Variants in STAG1 observed in about 807,000 individuals in gnomAD.
STAG1 encodes cohesin subunit SA-1.
STAG1 carries 26 observed loss-of-function variants against 170.9 expected under a neutral mutation model. That is an observed-to-expected ratio of 0.15 (90% CI 0.11 to 0.21). The LOEUF (loss-of-function observed/expected upper bound fraction) is 0.21, where lower values mean the gene tolerates loss of function less well. Ranked by LOEUF, STAG1 falls within the 10% of genes least tolerant of loss-of-function variation. STAG1 has a pLI of 1.00. For synonymous variants in STAG1, 514 were observed against 497.7 expected, an observed-to-expected ratio of 1.03 and a Z score of -0.44; for missense variants, 964 against 1,509.5, an observed-to-expected ratio of 0.64 and a Z score of 5.99.
intron 1 of STAG1, among the ~76,000 whole-genome samples, chr3:136,728,415 G>A (rs560924490): frequency 6.6e-6 from 1 of 152,148 alleles, no homozygotes; most frequent in African/African-American, 2.4e-5. Context: ...CATAAAGGAA[G>A]CCAGACTGCC....
chr3:136,657,325 A>G (rs1455448180), intron 1 of STAG1, among the ~76,000 whole-genome samples: 1 of 150,626 alleles, frequency 6.6e-6, no homozygotes, highest in African/African-American at 2.4e-5. Flanking sequence ...CAGCCGCCCG[A>G]GTAGCTAGGA....
chr3:136,486,583 A>G (rs1226137522), intron 9 of STAG1, among the ~76,000 whole-genome samples: 1 of 152,220 alleles, frequency 6.6e-6, no homozygotes, highest in Admixed American at 6.5e-5. Flanking sequence ...AGTCAATTCT[A>G]TAAAAACCAG....
intron 1 of STAG1, among the ~76,000 whole-genome samples, chr3:136,688,516 C>T (rs1050128130): frequency 7.9e-5 from 12 of 152,188 alleles, no homozygotes; most frequent in African/African-American, 2.9e-4. Flanking sequence ...CTCAGCCTCC[C>T]ATCTAGCTGC....
rs1248457313 is a variant in STAG1, at chr3:136,338,024, G to A, written c.*230C>T. ...CTGTATTGGGATAAGTCCAATAGTA[G>A]GACACAAATGATTTTCAGGTCAGTC... On this transcript the variant is annotated 3_prime_UTR_variant, in exon 34 of 34. Transcript: ENST00000383202. The A allele has an allele frequency of 1.9e-6, 1 of 521,936 alleles. No homozygotes were observed. The highest frequency in any genetic ancestry group is 3.1e-5 in the East Asian group (1 of 32,364). The allele number at this position is 521,936 out of a possible 1,614,324, so 32.3% of individuals were successfully genotyped here. A position where few individuals can be genotyped will look rare whatever the true frequency, so the allele number is the denominator to read the frequency against.
At chr3:136,347,934 C>A (rs974427029) in intron 29 of STAG1, among the ~76,000 whole-genome samples, 2 of 152,146 alleles carry the variant, frequency 1.3e-5, no homozygotes, top group African/African-American at 2.4e-5. Context: ...AATGAGAAGG[C>A]CAGGTCTGAA....
intron 4 of STAG1, among the ~76,000 whole-genome samples, chr3:136,579,785 C>A (rs1167968567): frequency 6.6e-6 from 1 of 151,966 alleles, no homozygotes; most frequent in Non-Finnish European, 1.5e-5. Context: ...ATGTACTCCC[C>A]GTTCATCATA....
intron 9 of STAG1, among the ~76,000 whole-genome samples, chr3:136,486,405 A>G (rs1189205153): frequency 6.6e-6 from 1 of 152,228 alleles, no homozygotes; most frequent in Non-Finnish European, 1.5e-5. Context: ...CCAAATAAAA[A>G]CAAGCTAACA....
At chr3:136,679,399 G>A (rs1457138317) in intron 1 of STAG1, among the ~76,000 whole-genome samples, 2 of 151,830 alleles carry the variant, frequency 1.3e-5, no homozygotes, top group African/African-American at 4.8e-5. Flanking sequence ...GTCCAACATG[G>A]TGAAACCACA....
chr3:136,450,697 G>A (rs1430724897), intron 14 of STAG1, among the ~76,000 whole-genome samples: 3 of 152,040 alleles, frequency 2.0e-5, no homozygotes, highest in African/African-American at 7.2e-5. Context: ...AGAGTCCTAG[G>A]TTTCTAGATG....
intron 1 of STAG1, among the ~76,000 whole-genome samples, chr3:136,645,829 C>T (rs1374746032): frequency 6.6e-6 from 1 of 152,194 alleles, no homozygotes; most frequent in African/African-American, 2.4e-5. Flanking sequence ...GCCATCTACT[C>T]ACTTTCTGAC....
chr3:136,709,851 A>G (rs1365279698), intron 1 of STAG1, among the ~76,000 whole-genome samples: 1 of 152,004 alleles, frequency 6.6e-6, no homozygotes, highest in Non-Finnish European at 1.5e-5. Context: ...CCTGGCCAAC[A>G]TGGTGAAACC....
In STAG1 at chr3:136,537,497, T is replaced by G. The variant is rs536119170; in HGVS notation, c.471+4622A>C. On this transcript the variant is annotated intron_variant, in intron 6 of 33. Coordinates refer to ENST00000383202, the MANE Select transcript of STAG1 (RefSeq NM_005862.3). Reference sequence around the variant, plus strand: ...TAATAGTGTCTTTTTTTTGTTTATTTTTTTTTTGTTTTTTTTTTTTTGAGG... The same window carrying G: ...TAATAGTGTCTTTTTTTTGTTTATTGTTTTTTTGTTTTTTTTTTTTTGAGG... Among the ~76,000 whole-genome samples, 171 of 142,648 alleles carry G rather than the reference T, an allele frequency of 1.2e-3. 1 individual carries two copies. Among genetic ancestry groups the G allele is most frequent in the African/African-American group, 4.2e-3 (166 of 39,492 alleles). 93.6% of individuals were successfully genotyped at this position (142,648 alleles called of 152,430 possible). A position where few individuals can be genotyped will look rare whatever the true frequency, so the allele number is the denominator to read the frequency against.
chr3:136,565,011 AAGGCAGGCAGGCAGGC>A (rs1553746573), intron 5 of STAG1, among the ~76,000 whole-genome samples: 2 of 45,450 alleles, frequency 4.4e-5, no homozygotes, highest in African/African-American at 2.5e-4. Flanking sequence ...GGAAGGAAGG[AAGGCAGGCAGGCAGGC>A]AGGCAGGCAG....
At chr3:136,377,804 T>C (rs1461318960) in intron 22 of STAG1, 52 bp from the exon 23 acceptor site, 1 of 1,470,610 alleles carries the variant, frequency 6.8e-7, no homozygotes, top group Non-Finnish European at 9.5e-7. Flanking sequence ...CACAGAAAAC[T>C]GATCTAGAAG....
At chr3:136,635,732 C>T (rs1940524684) in intron 1 of STAG1, among the ~76,000 whole-genome samples, 1 of 151,940 alleles carries the variant, frequency 6.6e-6, no homozygotes, top group South Asian at 2.1e-4. Flanking sequence ...CTGACAAAGG[C>T]AAAATAAAAC....
At chr3:136,497,271 T>C (rs1933157587) in intron 9 of STAG1, among the ~76,000 whole-genome samples, 1 of 151,938 alleles carries the variant, frequency 6.6e-6, no homozygotes, top group South Asian at 2.1e-4. Context: ...AGGTAGACAG[T>C]GATATTCATT....
At chr3:136,607,115 G>T (rs1938989013) in intron 3 of STAG1, among the ~76,000 whole-genome samples, 1 of 152,000 alleles carries the variant, frequency 6.6e-6, no homozygotes, top group African/African-American at 2.4e-5. Flanking sequence ...AATCAATGTT[G>T]ATATTGACCT....
At chr3:136,435,189 A>G (rs1424740129) in intron 15 of STAG1, among the ~76,000 whole-genome samples, 1 of 152,226 alleles carries the variant, frequency 6.6e-6, no homozygotes, top group South Asian at 2.1e-4. Flanking sequence ...TTTAATTTCT[A>G]TAACGCTAAT....
chr3:136,359,328 A>G lies in STAG1; in HGVS notation c.2788-32T>C, dbSNP rs1359645943. 6 of 1,488,628 alleles carry G rather than the reference A, an allele frequency of 4.0e-6. No homozygotes were observed. In the African/African-American group the frequency reaches 5.7e-5, roughly 14 times the overall value. The allele number at this position is 1,488,628 out of a possible 1,614,324, so 92.2% of individuals were successfully genotyped here. On this transcript the variant is annotated intron_variant, in intron 26 of 33. Transcript: ENST00000383202. ...GAAAGAAAAAAAGAAGAAAAAACCT[A>G]TAGCTCAGAATTTTAAACAGTTATT...
Sources: allele counts gnomAD v4.1 joint callset (sites outside exome capture counted in the v4.1 genomes callset), GRCh38; gene constraint gnomAD v4.1.1; transcripts MANE v1.5; gene names NCBI Gene and HGNC (gene_info 2026-07-23, HGNC 2026-07-21).